Variants in PCM1 observed in about 807,000 individuals in gnomAD.
PCM1 encodes pericentriolar material 1 protein.
In PCM1, 157 loss-of-function variants were observed where a neutral mutation model predicts 241.9. That is an observed-to-expected ratio of 0.65 (90% CI 0.57 to 0.74). The LOEUF (loss-of-function observed/expected upper bound fraction) is 0.74. PCM1 is among the 30% of genes least tolerant of loss of function. The pLI is 0.00. For synonymous variants in PCM1, 1,085 were observed against 784.9 expected (o/e 1.38, Z -6.39); for missense variants, 3,478 against 2,360.1 (o/e 1.47, Z -9.81).
Position 17,966,147 on chromosome 8 carries a change from C to A in PCM1, c.3004C>A (p.Gln1002Lys). The A allele has an allele frequency of 6.2e-7, 1 of 1,613,878 alleles. No homozygotes were observed. Among genetic ancestry groups the A allele is most frequent in the Non-Finnish European group, 8.5e-7 (1 of 1,179,840 alleles). ...AGAAGAGAAAGAACAATGGCAAGAA[C>A]AAATCAATCAGCTAAAGAAACAGCT... Reference protein sequence around the residue: ...YVEEKEQWQEQINQLKKQLDF... With the variant: ...YVEEKEQWQEKINQLKKQLDF... The change falls in exon 19 of 39, where the codon CAA becomes AAA. Residue 1002 changes from glutamine (Q) to lysine (K), a missense_variant. Coordinates refer to ENST00000325083, the MANE Select transcript of PCM1 (RefSeq NM_006197.4).
Position 17,989,932 on chromosome 8 carries a change from T to C in PCM1, c.4484T>C (p.Val1495Ala). The change falls in exon 27 of 39, where the codon GTC becomes GCC. Residue 1495 changes from valine (V) to alanine (A), a missense_variant. Transcript: ENST00000325083. ...CAAAATGATGCTGATAATGCTAGTG[T>C]CCTGTCTGTATCATCAAATTTTGAG... ...SEQNDADNAS[V>A]LSVSSNFEPF... 1.3e-6 allele frequency: 2 copies of C among 1,545,090 alleles called. No homozygotes were observed. Among genetic ancestry groups the C allele is most frequent in the South Asian group, 2.4e-5 (2 of 82,810 alleles).
At chr8:17,983,688 T>C (rs772014748) in intron 24 of PCM1, among the ~76,000 whole-genome samples, 14 of 152,168 alleles carry the variant, frequency 9.2e-5, no homozygotes, top group Non-Finnish European at 1.9e-4. Context: ...AACAAAACAA[T>C]GATTACATGC....
rs769203969 is a variant in PCM1, at chr8:17,935,642, G to T, written c.32G>T (p.Gly11Val). 79 of 1,560,902 alleles carry T rather than the reference G, an allele frequency of 5.1e-5. No individual in the cohort carries two copies. Among genetic ancestry groups the T allele is most frequent in the Non-Finnish European group, 6.1e-5 (69 of 1,132,002 alleles). ...ACAGGAGGAGGTCCCTTTGAAGATG[G>T]CATGAATGATCAGGATTTACCAAAC... MATGGGPFED[G>V]MNDQDLPNWS... Residue 11 changes from glycine (G) to valine (V), a missense_variant, in exon 3 of 39, where the codon GGC becomes GTC. Coordinates refer to ENST00000325083, the MANE Select transcript of PCM1 (RefSeq NM_006197.4).
chr8:17,986,057 T>C lies in PCM1; in HGVS notation c.4380T>C (p.Thr1460=). The change falls in exon 26 of 39, where the codon ACT becomes ACC. Residue 1460 remains threonine (T), a synonymous_variant. Coordinates refer to ENST00000325083, the MANE Select transcript of PCM1 (RefSeq NM_006197.4). ...GTWIASNSEL[T]PSESLATTDD... is the part of the protein sequence containing the mutation. ...GGATAGCATCAAACTCAGAACTTAC[T>C]CCTAGTGAGAGCCTTGCTACTACTG... 6.3e-7 allele frequency: 1 copy of C among 1,598,424 alleles called. No homozygotes were observed. Among genetic ancestry groups the C allele is most frequent in the Non-Finnish European group, 8.5e-7 (1 of 1,171,640 alleles).
intron 36 of PCM1, among the ~76,000 whole-genome samples, chr8:18,019,942 T>C (rs2093624951): frequency 6.6e-6 from 1 of 152,142 alleles, no homozygotes; most frequent in African/African-American, 2.4e-5. Context: ...GGCCCACAAC[T>C]AAGGCAGTTA....
chr8:18,007,863 T>C (rs543168532), intron 30 of PCM1, among the ~76,000 whole-genome samples: 38 of 152,314 alleles, frequency 2.5e-4, no homozygotes, highest in Non-Finnish European at 3.4e-4. Context: ...GGAGCAGGCA[T>C]TGAACATCAT....
At chr8:17,953,928 G>T (rs1460983115) in intron 9 of PCM1, among the ~76,000 whole-genome samples, 1 of 152,188 alleles carries the variant, frequency 6.6e-6, no homozygotes, top group Non-Finnish European at 1.5e-5. Context: ...TTAAAGAAAA[G>T]ATGAGGGATT....
intron 29 of PCM1, among the ~76,000 whole-genome samples, chr8:18,000,552 A>G (rs996060756): frequency 6.6e-6 from 1 of 151,760 alleles, no homozygotes; most frequent in South Asian, 2.1e-4. Context: ...AAAACTGGCT[A>G]GGAGGAAATA....
At chr8:17,940,306 T>C (rs2061644292) in intron 6 of PCM1, 2 of 493,858 alleles carry the variant, frequency 4.0e-6, no homozygotes, top group Admixed American at 3.5e-5. Context: ...TATGTGTTCT[T>C]CTGTATTTAA....
intron 29 of PCM1, among the ~76,000 whole-genome samples, chr8:18,003,248 A>T (rs2090199131): frequency 6.6e-6 from 1 of 152,224 alleles, no homozygotes; most frequent in Non-Finnish European, 1.5e-5. Flanking sequence ...TAATGAATTA[A>T]TAAATGACTG....
chr8:18,024,412 T>G (rs2093999438), intron 36 of PCM1, among the ~76,000 whole-genome samples: 1 of 152,184 alleles, frequency 6.6e-6, no homozygotes, highest in African/African-American at 2.4e-5. Context: ...GATTCATAAT[T>G]TCTTAGAAAG....
Position 17,964,100 on chromosome 8 carries a change from A to G in PCM1, c.2655-468A>G, listed in dbSNP as rs537619264. Among the ~76,000 whole-genome samples the G allele has an allele frequency of 4.6e-5, 7 of 152,318 alleles. No homozygotes were observed. In the South Asian group the frequency reaches 1.2e-3, roughly 27 times the overall value. The stretch of plus-strand genomic sequence containing the variant: ...CTGTCCAGTATGGCAGCCACTAGAT[A>G]TAGGTGGTTATTTAAATTTCAATCA... On this transcript the variant is annotated intron_variant, in intron 17 of 38. Transcript: ENST00000325083.
rs567834102 is a variant in PCM1, at chr8:17,937,153, A to G, written c.116A>G (p.Lys39Arg). The G allele has an allele frequency of 5.7e-6, 9 of 1,568,238 alleles. No individual in the cohort carries two copies. The South Asian group carries it at 9.4e-5, about 16-fold the overall frequency. The change falls in exon 4 of 39, where the codon AAG becomes AGG. Residue 39 changes from lysine to arginine, a missense_variant. By Grantham distance (26) the Lys-to-Arg change is conservative. Transcript: ENST00000325083. ...TTAAAGGATTGGGGTGCCCAACAGA[A>G]GAAAGCAAATAGATCATCAGAAAAG... ...LNNMDWGAQQ[K>R]KANRSSEKNK...
Position 17,972,618 on chromosome 8 carries a change from G to T in PCM1, c.3874G>T (p.Asp1292Tyr), listed in dbSNP as rs1246914780. The change falls in exon 23 of 39, where the codon GAT becomes TAT. Residue 1292 changes from aspartate (D) to tyrosine (Y), a missense_variant. By Grantham distance (160) the Asp-to-Tyr change is radical. Transcript: ENST00000325083. ...TGCACAGGCCAGCCTGGCATCTAAA[G>T]ATAAAACTCCCAAGTCAAAAAGTAA... ...ASAQASLASK[D>Y]KTPKSKSKKR... 6.3e-7 allele frequency: 1 copy of T among 1,587,184 alleles called. No homozygotes were observed. Among genetic ancestry groups the T allele is most frequent in the Non-Finnish European group, 8.5e-7 (1 of 1,170,982 alleles).
intron 26 of PCM1, 97 bp from the exon 27 acceptor site, chr8:17,989,762 G>C (rs946262030): frequency 2.3e-6 from 2 of 863,568 alleles, no homozygotes; most frequent in Middle Eastern, 3.6e-4. Context: ...TCTTTTAAGT[G>C]TACAATTTTA....
At chr8:17,996,324 T>C (rs965564305) in intron 29 of PCM1, among the ~76,000 whole-genome samples, 1 of 152,232 alleles carries the variant, frequency 6.6e-6, no homozygotes, top group Non-Finnish European at 1.5e-5. Flanking sequence ...TCTGTTGATA[T>C]GATGTATTAC....
At chr8:17,974,871 A>G (rs1303432678) in intron 23 of PCM1, among the ~76,000 whole-genome samples, 1 of 151,806 alleles carries the variant, frequency 6.6e-6, no homozygotes, top group Non-Finnish European at 1.5e-5. Context: ...ACACACACAC[A>G]CACACACACA....
At chr8:18,011,511 C>G (rs2092504652) in intron 33 of PCM1, 145 bp downstream of exon 33, 1 of 1,051,116 alleles carries the variant, frequency 9.5e-7, no homozygotes, top group Non-Finnish European at 1.3e-6. Flanking sequence ...ACTAAATTAT[C>G]TAGACTTTCT....
chr8:17,966,578 G>A (rs1053371868), intron 20 of PCM1, 105 bp downstream of exon 20: 2 of 921,202 alleles, frequency 2.2e-6, no homozygotes, highest in Non-Finnish European at 3.2e-6. Context: ...TTGCATATTT[G>A]GACATTCTCT....
Sources: gnomAD v4.1 joint callset for allele counts (sites outside exome capture counted in the v4.1 genomes callset) on GRCh38, gnomAD v4.1.1 for gene constraint, MANE v1.5 for transcripts, NCBI Gene and HGNC (gene_info 2026-07-23, HGNC 2026-07-21) for gene names.